The following CATSPERE variants were observed in gnomAD, a reference collection of about 807,000 sequenced individuals.
The protein encoded by CATSPERE is catsper channel auxiliary subunit epsilon.
In CATSPERE, 93 loss-of-function variants were observed where a neutral mutation model predicts 114.1. The ratio of observed to expected loss-of-function variants is 0.81; its 90% CI spans 0.69 to 0.97. The LOEUF (loss-of-function observed/expected upper bound fraction) is 0.97, where lower values mean the gene tolerates loss of function less well. Among genes scored for constraint, CATSPERE ranks in the 50% least tolerant of loss-of-function variants. CATSPERE has a pLI of 0.00. For missense variants in CATSPERE, 1,058 were observed against 1,131.6 expected (o/e 0.93, Z 0.93); for synonymous variants, 341 against 384.1 (o/e 0.89, Z 1.31).
upstream of CATSPERE, among the ~76,000 whole-genome samples, chr1:244,452,290 G>C (rs1040655352): frequency 6.6e-6 from 1 of 152,214 alleles, no homozygotes; most frequent in African/African-American, 2.4e-5. Context: ...CAACGCTCTG[G>C]GCTGCGGCGG....
At chr1:244,514,245 T>C (rs1324889789) in intron 7 of CATSPERE, among the ~76,000 whole-genome samples, 2 of 152,214 alleles carry the variant, frequency 1.3e-5, no homozygotes, top group African/African-American at 2.4e-5. Flanking sequence ...AATTAACTAT[T>C]GATAATGCCC....
intron 8 of CATSPERE, among the ~76,000 whole-genome samples, chr1:244,527,393 T>C (rs1306029839): frequency 2.0e-5 from 3 of 152,242 alleles, no homozygotes; most frequent in South Asian, 2.1e-4. Context: ...AAGAGAAATA[T>C]GGCTCTGTTC....
At chr1:244,541,990 C>G (rs1050334653) in intron 8 of CATSPERE, among the ~76,000 whole-genome samples, 1 of 125,050 alleles carries the variant, frequency 8.0e-6, no homozygotes, top group Non-Finnish European at 1.6e-5. Flanking sequence ...GGGAACGTCA[C>G]ACTCTGGGGA....
chr1:244,618,464 G>T (rs1204222387), intron 20 of CATSPERE, among the ~76,000 whole-genome samples: 1 of 152,168 alleles, frequency 6.6e-6, no homozygotes, highest in Non-Finnish European at 1.5e-5. Context: ...AAATTAGCCT[G>T]AGAATAGCAG....
chr1:244,585,183 A>T (rs920147599), intron 13 of CATSPERE, among the ~76,000 whole-genome samples: 1 of 152,186 alleles, frequency 6.6e-6, no homozygotes, highest in African/African-American at 2.4e-5. Flanking sequence ...TGGGTAGGCT[A>T]CTTACTCTGA....
At position 244,552,728 on chromosome 1, in the gene CATSPERE, A is replaced by G. The variant is rs375228084; in HGVS notation, c.943A>G (p.Arg315Gly). Residue 315 changes from arginine (R) to glycine (G), a missense_variant, in exon 9 of 22, where the codon AGA becomes GGA. Physicochemically the swap from Arg to Gly is moderately radical, Grantham distance 125 (BLOSUM62 -2). Coordinates refer to ENST00000366534, the MANE Select transcript of CATSPERE (RefSeq NM_001130957.2). ...LYIKSFRGFI[R>G]LGGIVNLPDG... ...CATAAAGAGTTTTCGTGGATTTATAAGACTGGGAGGAATTGTAAATCTTCC... is the reference window on the plus strand; with the variant it reads ...CATAAAGAGTTTTCGTGGATTTATAGGACTGGGAGGAATTGTAAATCTTCC... The G allele has an allele frequency of 8.4e-5, 135 of 1,614,044 alleles. No homozygotes were observed. In the Middle Eastern group the frequency reaches 2.5e-3, roughly 30 times the overall value.
intron 2 of CATSPERE, among the ~76,000 whole-genome samples, chr1:244,473,492 T>C (rs1246303361): frequency 6.6e-6 from 1 of 152,194 alleles, no homozygotes; most frequent in Non-Finnish European, 1.5e-5. Flanking sequence ...TTTTGTGTAT[T>C]CTGGATACCA....
In CATSPERE at chr1:244,591,686, G is replaced by T. The variant is rs1310609749; in HGVS notation, c.2144G>T (p.Ser715Ile). 14 of 1,498,872 alleles carry T rather than the reference G, an allele frequency of 9.3e-6. No homozygotes were observed. The highest frequency in any genetic ancestry group is 1.4e-5 in the African/African-American group (1 of 71,866). 92.8% of individuals were successfully genotyped at this position (1,498,872 alleles called of 1,614,324 possible). A position where few individuals can be genotyped will look rare whatever the true frequency, so the allele number is the denominator to read the frequency against. ...TTATGTTTTGTCTTTTGTAGATTTA[G>T]TAAAAAAGGATGTCATCACCATGAT... ...DKKFIAIKGFSKKGCHHHDFS... is the reference protein window; with the variant it reads ...DKKFIAIKGFIKKGCHHHDFS... The change falls in exon 15 of 22, where the codon AGT (serine) becomes ATT (isoleucine). Residue 715 changes from serine to isoleucine, a missense_variant. By Grantham distance (142) the Ser-to-Ile change is moderately radical. Around this residue, in one of 2 missense-constraint regions of CATSPERE, gnomAD observed 787 missense variants for 905.6 expected, o/e 0.87. Coordinates refer to ENST00000366534, the MANE Select transcript of CATSPERE (RefSeq NM_001130957.2).
chr1:244,510,971 G>A (rs1675658142), intron 7 of CATSPERE, among the ~76,000 whole-genome samples: 1 of 150,322 alleles, frequency 6.7e-6, no homozygotes, highest in Admixed American at 6.6e-5. Context: ...AGCCTCCCGA[G>A]TAGCTGGGAT....
chr1:244,527,018 G>A (rs1158754270), intron 8 of CATSPERE, among the ~76,000 whole-genome samples: 2 of 152,102 alleles, frequency 1.3e-5, no homozygotes, highest in Non-Finnish European at 2.9e-5. Flanking sequence ...GATGTCACAA[G>A]GCAAATGGAG....
chr1:244,489,746 A>G (rs544790038), intron 5 of CATSPERE, among the ~76,000 whole-genome samples: 122 of 152,124 alleles, frequency 8.0e-4, no homozygotes, highest in Non-Finnish European at 1.6e-3. Flanking sequence ...TCTTCTCAGA[A>G]GGGAGAAAAC....
chr1:244,634,305 GCTTA>G (rs1484078048), intron 20 of CATSPERE, among the ~76,000 whole-genome samples: 3 of 152,122 alleles, frequency 2.0e-5, no homozygotes, highest in Non-Finnish European at 4.4e-5. Context: ...AAAGAAAATT[GCTTA>G]CTCTTTTTGA....
intron 18 of CATSPERE, among the ~76,000 whole-genome samples, 198 bp from the exon 19 acceptor site, chr1:244,610,042 C>T (rs1360507502): frequency 6.6e-6 from 1 of 151,978 alleles, no homozygotes; most frequent in Non-Finnish European, 1.5e-5. Context: ...GAGACTCTGT[C>T]TCAAAAAAAA....
intron 10 of CATSPERE, among the ~76,000 whole-genome samples, chr1:244,561,364 G>A (rs1192379025): frequency 1.3e-5 from 2 of 152,098 alleles, no homozygotes; most frequent in Non-Finnish European, 2.9e-5. Context: ...CCGGGGAGAG[G>A]GGAGTTTCAT....
chr1:244,554,861 T>G (rs1252718477), intron 9 of CATSPERE, among the ~76,000 whole-genome samples: 1 of 152,092 alleles, frequency 6.6e-6, no homozygotes, highest in Non-Finnish European at 1.5e-5. Context: ...ATATTCCTGA[T>G]GCACATAAAA....
intron 7 of CATSPERE, among the ~76,000 whole-genome samples, chr1:244,517,579 C>T (rs1415257673): frequency 6.6e-6 from 1 of 151,894 alleles, no homozygotes; most frequent in Non-Finnish European, 1.5e-5. Context: ...CGAGACCAGC[C>T]TCACCAATAT....
At chr1:244,472,077 G>A (rs1343675084) in intron 2 of CATSPERE, among the ~76,000 whole-genome samples, 2 of 152,122 alleles carry the variant, frequency 1.3e-5, no homozygotes, top group East Asian at 1.9e-4. Context: ...TTCCGCCTCA[G>A]CCTCCTGAGT....
At chr1:244,576,661 A>T (rs923252764) in intron 11 of CATSPERE, among the ~76,000 whole-genome samples, 32 of 152,148 alleles carry the variant, frequency 2.1e-4, no homozygotes, top group African/African-American at 7.7e-4. Flanking sequence ...TCAAATTAAT[A>T]TCATAATGTG....
intron 8 of CATSPERE, among the ~76,000 whole-genome samples, chr1:244,534,409 G>A (rs3005967): frequency 0.87 from 132,517 of 152,070 alleles, 58,666 homozygotes; most frequent in East Asian, 1. Flanking sequence ...GATTTGCCCC[G>A]TTGAGGCTGT....
Sources: gnomAD v4.1 joint callset for allele counts (sites outside exome capture counted in the v4.1 genomes callset) on GRCh38, gnomAD v4.1.1 for gene constraint, gnomAD v4.1.1 regional missense constraint, MANE v1.5 for transcripts, NCBI Gene and HGNC (gene_info 2026-07-23, HGNC 2026-07-21) for gene names.